The following MED12 variants were observed in gnomAD, a reference collection of about 807,000 sequenced individuals.
MED12 encodes mediator of RNA polymerase II transcription subunit 12.
In MED12, 10 loss-of-function variants were observed where a neutral mutation model predicts 177.7. The ratio of observed to expected loss-of-function variants is 0.06; its 90% CI spans 0.03 to 0.10. MED12 has a LOEUF of 0.10. MED12 is among the 10% of genes least tolerant of loss of function. The probability of loss-of-function intolerance (pLI) is 1.00; values close to 1 mark genes in which losing one functional copy is unlikely to be tolerated. For synonymous variants in MED12, 641 were observed against 678.4 expected, an observed-to-expected ratio of 0.94 and a Z score of 0.86; for missense variants, 867 against 1,780.8, an observed-to-expected ratio of 0.49 and a Z score of 9.23.
chrX:71,123,280 C>T (rs201283002), intron 11 of MED12, 54 bp downstream of exon 11: 25 of 1,180,352 alleles, frequency 2.1e-5, no homozygotes, highest in East Asian at 1.2e-4. Context: ...GAATTTACTG[C>T]GGTTGGAGAC....
chrX:71,124,114 T>G, intron 12 of MED12, 45 bp from the exon 13 acceptor site: 1 of 1,103,347 alleles, frequency 9.1e-7, no homozygotes, highest in Non-Finnish European at 1.3e-6. Flanking sequence ...TTGGCCCACC[T>G]TTTTGTGTTC....
rs1186607917 is a variant in MED12, at chrX:71,118,760, G to T, written c.6G>T (p.Ala2=). ...GGCGCTACGGGCTGGGCAAGATGGCGGCCTTCGGGATCTTGAGCTACGAAC... is the reference window on the plus strand; with the variant it reads ...GGCGCTACGGGCTGGGCAAGATGGCTGCCTTCGGGATCTTGAGCTACGAAC... M[A]AFGILSYEHR... Residue 2 remains alanine, a synonymous_variant, in exon 1 of 45, where the codon GCG becomes GCT. Transcript: ENST00000374080. The T allele has an allele frequency of 5.8e-6, 7 of 1,204,950 alleles. No individual in the cohort carries two copies. Among genetic ancestry groups the T allele is most frequent in the Admixed American group, 2.2e-5 (1 of 45,320 alleles).
In MED12 at chrX:71,119,619, C is replaced by T. The variant is rs1021445972; in HGVS notation, c.205-67C>T. 6 of 1,152,868 alleles carry T rather than the reference C, an allele frequency of 5.2e-6. No individual in the cohort carries two copies. In the African/African-American group the frequency reaches 8.9e-5, roughly 17 times the overall value. On this transcript the variant is annotated intron_variant, in intron 2 of 44. Transcript: ENST00000374080. ...CTAATACTATCTCATTGGCATTTGCCCAGCAAAAGGCAGGACCACCTGTCT... is the reference window on the plus strand; with the variant it reads ...CTAATACTATCTCATTGGCATTTGCTCAGCAAAAGGCAGGACCACCTGTCT...
In MED12 at chrX:71,125,154, T is replaced by G. The variant is rs1361453198; in HGVS notation, c.2226+8T>G. 8.3e-7 allele frequency: 1 copy of G among 1,209,798 alleles called. No individual in the cohort carries two copies. Among genetic ancestry groups the G allele is most frequent in the Admixed American group, 2.2e-5 (1 of 45,940 alleles). On this transcript the variant is annotated splice_region_variant and intron_variant, in intron 15 of 44. Coordinates refer to ENST00000374080, the MANE Select transcript of MED12 (RefSeq NM_005120.3). ...CATTTTCCCATCCCCCAGGTACTAT[T>G]CCCCAGCACCTTGTGATGATCTGTT...
In MED12 at chrX:71,121,647, G is replaced by C; in HGVS notation, c.932G>C (p.Gly311Ala). The change falls in exon 7 of 45, where the codon GGT becomes GCT. Residue 311 changes from glycine to alanine, a missense_variant. By Grantham distance (60) the Gly-to-Ala change is moderately conservative. Coordinates refer to ENST00000374080, the MANE Select transcript of MED12 (RefSeq NM_005120.3). ...CGGAGACTGGCCCTGCAGCTGGATG[G>C]TGTGAGCAGTCACTCATCTCATGTT... Reference protein sequence around the residue: ...CTRRLALQLDGVSSHSSHVIS... With the variant: ...CTRRLALQLDAVSSHSSHVIS... 1.7e-6 allele frequency: 2 copies of C among 1,211,660 alleles called. No individual in the cohort carries two copies. Among genetic ancestry groups the C allele is most frequent in the Non-Finnish European group, 2.2e-6 (2 of 895,499 alleles).
At position 71,142,343 on chromosome X, in the gene MED12, GT is replaced by G; in HGVS notation, c.*130del. 1 of 698,542 alleles carries G rather than the reference GT, an allele frequency of 1.4e-6. No individual in the cohort carries two copies. Among genetic ancestry groups the G allele is most frequent in the Non-Finnish European group, 2.2e-6 (1 of 452,591 alleles). 57.6% of individuals were successfully genotyped at this position (698,542 alleles called of 1,213,427 possible). A position where few individuals can be genotyped will look rare whatever the true frequency, so the allele number is the denominator to read the frequency against. On this transcript the variant is annotated 3_prime_UTR_variant, in exon 45 of 45. Transcript: ENST00000374080. ...TCCCCTCAGGCTCCATTTTTAATAA[GT>G]TTTTAGTATTTTTGTTAATGTGAGG...
intron 24 of MED12, 146 bp downstream of exon 24, chrX:71,128,864 G>C: frequency 1.3e-6 from 1 of 777,913 alleles, no homozygotes; most frequent in Non-Finnish European, 1.9e-6. Flanking sequence ...GTATGCTGAA[G>C]GCTAGAAGAA....
chrX:71,132,464 T>C lies in MED12; in HGVS notation c.4341T>C (p.Ala1447=). The change falls in exon 31 of 45, where the codon GCT becomes GCC. Residue 1447 remains alanine (A), a synonymous_variant. Transcript: ENST00000374080. The part of the protein sequence containing the change: ...TSVQGHVLKA[A]GEELEKGQHL... ...TCCAGGGACATGTGTTAAAGGCTGC[T>C]GGGGAAGAATTGGAGAAGGGTCAGC... 2 of 1,210,005 alleles carry C rather than the reference T, an allele frequency of 1.7e-6. No homozygotes were observed. The highest frequency in any genetic ancestry group is 3.5e-5 in the South Asian group (2 of 56,527).
chrX:71,121,128 G>C lies in MED12; in HGVS notation c.711G>C (p.Glu237Asp). The C allele has an allele frequency of 1.7e-6, 2 of 1,211,161 alleles. No individual in the cohort carries two copies. Among genetic ancestry groups the C allele is most frequent in the Non-Finnish European group, 2.2e-6 (2 of 895,390 alleles). ...EVAIRQWDYT[E>D]KLAMFMFQDG... The stretch of plus-strand genomic sequence containing the variant: ...CAATCCGGCAGTGGGATTACACCGA[G>C]AAGCTGGCCATGTTCATGTTTCAGG... Residue 237 changes from glutamate to aspartate, a missense_variant, in exon 5 of 45, where the codon GAG (glutamate) becomes GAC (aspartate). Physicochemically the swap from Glu to Asp is conservative, Grantham distance 45. Coordinates refer to ENST00000374080, the MANE Select transcript of MED12 (RefSeq NM_005120.3).
chrX:71,119,957 C>T, intron 3 of MED12, 57 bp from the exon 4 acceptor site: 1 of 1,202,087 alleles, frequency 8.3e-7, no homozygotes, highest in Non-Finnish European at 1.1e-6. Context: ...TATTAAGCTA[C>T]ATGGGTGTCA....
In MED12 at chrX:71,123,105, A is replaced by T; in HGVS notation, c.1496A>T (p.Asp499Val). 8.3e-7 allele frequency: 1 copy of T among 1,211,286 alleles called. No homozygotes were observed. Among genetic ancestry groups the T allele is most frequent in the Non-Finnish European group, 1.1e-6 (1 of 895,285 alleles). The change falls in exon 11 of 45, where the codon GAT becomes GTT. Residue 499 changes from aspartate (D) to valine (V), a missense_variant. By Grantham distance (152) the Asp-to-Val change is radical. Transcript: ENST00000374080. ...TCCTTTGTTCTCCAGATCTCCTCAGATGATGATGCTGTGGTGTCATTGCTA... is the reference window on the plus strand; with the variant it reads ...TCCTTTGTTCTCCAGATCTCCTCAGTTGATGATGCTGTGGTGTCATTGCTA... ...PSKDGHEISS[D>V]DDAVVSLLCE...
chrX:71,119,907 A>G, intron 3 of MED12, 30 bp downstream of exon 3: 1 of 1,208,766 alleles, frequency 8.3e-7, no homozygotes, highest in Non-Finnish European at 1.1e-6. Flanking sequence ...CCTTCAGGCC[A>G]AGGAGGGAGC....
At chrX:71,141,178 G>A in intron 42 of MED12, 52 bp from the exon 43 acceptor site, 2 of 1,164,924 alleles carry the variant, frequency 1.7e-6, no homozygotes, top group Non-Finnish European at 2.3e-6. Context: ...TTAGTTCTGA[G>A]GCTTAGCTTC....
Position 71,126,961 on chromosome X carries a change from T to C in MED12, c.2686-8T>C. On this transcript the variant is annotated splice_polypyrimidine_tract_variant and splice_region_variant and intron_variant, in intron 19 of 44. Transcript: ENST00000374080. ...CTTTGCATTTCTCACCCCCGTTTAC[T>C]CTGCTAGCTGCTGAATGAACTGAGT... 2.5e-6 allele frequency: 3 copies of C among 1,210,274 alleles called. No individual in the cohort carries two copies. Among genetic ancestry groups the C allele is most frequent in the Non-Finnish European group, 3.4e-6 (3 of 894,018 alleles).
intron 10 of MED12, 58 bp from the exon 11 acceptor site, chrX:71,123,037 A>G: frequency 1.7e-6 from 2 of 1,197,949 alleles, no homozygotes; most frequent in East Asian, 3.0e-5. Flanking sequence ...GGAAATTGGA[A>G]CTCATTTCTT....
intron 24 of MED12, 36 bp downstream of exon 24, chrX:71,128,754 A>G: frequency 8.3e-7 from 1 of 1,198,241 alleles, no homozygotes; most frequent in Non-Finnish European, 1.1e-6. Flanking sequence ...GCATTTCTAG[A>G]CCTCAAATTT....
chrX:71,125,928 TC>T, intron 17 of MED12, 107 bp from the exon 18 acceptor site: 3 of 360,679 alleles, frequency 8.3e-6, no homozygotes, highest in Non-Finnish European at 5.4e-6. Context: ...CCTCCTTCCA[TC>T]TCTCCCTCCC....
At chrX:71,123,500 T>C (rs746275797) in intron 11 of MED12, 94 bp from the exon 12 acceptor site, 18 of 1,044,988 alleles carry the variant, frequency 1.7e-5, no homozygotes, top group African/African-American at 3.7e-5. Context: ...AAGCATGGGG[T>C]AGAGGTCAAG....
At chrX:71,125,637 T>TGGGGGGGG in intron 16 of MED12, 26 bp from the exon 17 acceptor site, 1 of 1,092,095 alleles carries the variant, frequency 9.2e-7, no homozygotes, top group Non-Finnish European at 1.3e-6. Flanking sequence ...TTTTGAAACT[T>TGGGGGGGG]CCCCCCTCAT....
Sources: allele counts gnomAD v4.1 joint callset, GRCh38; gene constraint gnomAD v4.1.1; transcripts MANE v1.5; gene names NCBI Gene and HGNC (gene_info 2026-07-23, HGNC 2026-07-21).